Variants in DCHS2 observed in about 807,000 individuals in gnomAD.
The protein encoded by DCHS2 is protocadherin-23.
DCHS2 carries 142 observed loss-of-function variants against 182.4 expected under a neutral mutation model. The observed-to-expected ratio is 0.78, with a 90% CI of 0.68 to 0.89. The LOEUF (loss-of-function observed/expected upper bound fraction) is 0.89, where lower values mean the gene tolerates loss of function less well. DCHS2 is among the 40% of genes least tolerant of loss of function. The pLI is 0.00. For synonymous variants in DCHS2, 1,740 were observed against 1,663.3 expected, an observed-to-expected ratio of 1.05 and a Z score of -1.12; for missense variants, 4,319 against 4,198.6, an observed-to-expected ratio of 1.03 and a Z score of -0.79.
chr4:154,490,284 C>G lies in DCHS2; in HGVS notation c.1072G>C (p.Val358Leu), dbSNP rs934518835. ...GALGDAAYFA[V>L]EELSGVVRVW... ...CGCACCACGCCGCTCAGCTCCTCCA[C>G]CGCGAAGTAGGCCGCGTCGCCCAGT... is the stretch of plus-strand genomic sequence containing the variant. The change falls in exon 1 of 20, where the codon GTG becomes CTG. Residue 358 changes from valine to leucine, a missense_variant. Physicochemically the swap from Val to Leu is conservative, Grantham distance 32 (BLOSUM62 1). Coordinates refer to ENST00000357232, the MANE Select transcript of DCHS2 (RefSeq NM_001358235.2). 7 of 1,548,298 alleles carry G rather than the reference C, an allele frequency of 4.5e-6. No individual in the cohort carries two copies. The highest frequency in any genetic ancestry group is 1.7e-4 in the Middle Eastern group (1 of 5,974).
chr4:154,421,342 T>G (rs1733100679), intron 1 of DCHS2, among the ~76,000 whole-genome samples: 1 of 152,206 alleles, frequency 6.6e-6, no homozygotes, highest in African/African-American at 2.4e-5. Flanking sequence ...GTCTGAAAGT[T>G]TCCTCTCTTT....
At chr4:154,261,946 G>A (rs137888498) in intron 14 of DCHS2, 1 of 152,188 alleles carries the variant, frequency 6.6e-6, no homozygotes, top group East Asian at 1.9e-4. Flanking sequence ...TGAAACAAAG[G>A]CTGATTCCCA....
chr4:154,304,849 A>G lies in DCHS2; in HGVS notation c.5425T>C (p.Leu1809=). The G allele has an allele frequency of 6.2e-7, 1 of 1,613,084 alleles. No individual in the cohort carries two copies. Among genetic ancestry groups the G allele is most frequent in the Non-Finnish European group, 8.5e-7 (1 of 1,179,570 alleles). The part of the protein sequence containing the change: ...VLVRDGGFPS[L]SSTTTILCTV... ...CAGAGGATTGTTGTGGTGCTGGACA[A>G]TGAAGGGAATCCCCCATCTCGTACT... Residue 1809 remains leucine, a synonymous_variant, in exon 12 of 20, where the codon TTG becomes CTG. Transcript: ENST00000357232.
At chr4:154,473,077 C>T (rs1735541175) in intron 1 of DCHS2, among the ~76,000 whole-genome samples, 1 of 152,152 alleles carries the variant, frequency 6.6e-6, no homozygotes, top group South Asian at 2.1e-4. Flanking sequence ...GCTACAGCAC[C>T]TCCCTGAGCC....
intron 14 of DCHS2, among the ~76,000 whole-genome samples, chr4:154,267,085 C>T (rs993111654): frequency 6.6e-6 from 1 of 152,212 alleles, no homozygotes; most frequent in Non-Finnish European, 1.5e-5. Context: ...TTCCAGCAGG[C>T]ATTTACAGTT....
chr4:154,273,338 A>C (rs1465521779), intron 13 of DCHS2, among the ~76,000 whole-genome samples: 1 of 152,170 alleles, frequency 6.6e-6, no homozygotes, highest in African/African-American at 2.4e-5. Context: ...CTATTATTCT[A>C]AGTGAAGTAA....
intron 13 of DCHS2, among the ~76,000 whole-genome samples, chr4:154,290,170 C>T (rs79918947): frequency 0.014 from 2,137 of 151,812 alleles, 58 homozygotes; most frequent in African/African-American, 0.049. Flanking sequence ...GAAAAAGAAA[C>T]GAGAAAGTAA....
chr4:154,384,479 G>C (rs1435067288), intron 1 of DCHS2: 1 of 1,579,392 alleles, frequency 6.3e-7, no homozygotes, highest in Non-Finnish European at 8.6e-7. Context: ...TGCTTGTAGG[G>C]GACTGAATGC....
At chr4:154,323,715 T>G (rs969876046) in intron 7 of DCHS2, among the ~76,000 whole-genome samples, 1 of 152,184 alleles carries the variant, frequency 6.6e-6, no homozygotes, top group Non-Finnish European at 1.5e-5. Flanking sequence ...CAAAACTTTG[T>G]TTCATGCACA....
intron 1 of DCHS2, among the ~76,000 whole-genome samples, chr4:154,456,675 A>G (rs192212893): frequency 6.6e-6 from 1 of 152,352 alleles, no homozygotes; most frequent in Non-Finnish European, 1.5e-5. Flanking sequence ...GACTTGATGG[A>G]TTTAGAAAAG....
intron 1 of DCHS2, among the ~76,000 whole-genome samples, chr4:154,387,374 G>T (rs1731468065): frequency 6.6e-6 from 1 of 150,908 alleles, no homozygotes; most frequent in South Asian, 2.1e-4. Flanking sequence ...CAGATCAATA[G>T]AACACAAAAG....
At chr4:154,373,848 G>A (rs34860852) in intron 2 of DCHS2, 29 of 1,268,386 alleles carry the variant, frequency 2.3e-5, no homozygotes, top group Admixed American at 4.1e-5. Context: ...AGGAAAACTC[G>A]AAGCTCTGAC....
chr4:154,343,417 C>G, intron 3 of DCHS2: 1 of 1,305,172 alleles, frequency 7.7e-7, no homozygotes, highest in Non-Finnish European at 9.8e-7. Flanking sequence ...CATCTTATTT[C>G]ATATAAGGCT....
At position 154,297,955 on chromosome 4, in the gene DCHS2, C is replaced by T. The variant is rs1387461538; in HGVS notation, c.6359G>A (p.Arg2120Lys). 1.2e-6 allele frequency: 2 copies of T among 1,613,978 alleles called. No individual in the cohort carries two copies. The highest frequency in any genetic ancestry group is 8.5e-7 in the Non-Finnish European group (1 of 1,179,996). ...LKVTDQGIPA[R>K]TTTGLLVIHM... ...AATGACCAAGAGACCCGTGGTTGTC[C>T]TGGCTGGAATGCCCTGGTCTGTAAC... Residue 2120 changes from arginine to lysine, a missense_variant, in exon 13 of 20, where the codon AGG becomes AAG. Physicochemically the swap from Arg to Lys is conservative, Grantham distance 26. Transcript: ENST00000357232.
intron 1 of DCHS2, 122 bp downstream of exon 1, chr4:154,489,182 C>T (rs1184938781): frequency 9.3e-6 from 8 of 857,820 alleles, no homozygotes; most frequent in East Asian, 8.1e-5. Context: ...GGGGCACTAC[C>T]GCCAGTCTTG....
intron 2 of DCHS2, among the ~76,000 whole-genome samples, chr4:154,376,796 C>A (rs891701803): frequency 6.6e-6 from 1 of 152,084 alleles, no homozygotes; most frequent in Admixed American, 6.5e-5. Flanking sequence ...CCACATTTAG[C>A]ATGTGGAAAA....
At chr4:154,429,519 G>A (rs1389343651) in intron 1 of DCHS2, among the ~76,000 whole-genome samples, 1 of 152,140 alleles carries the variant, frequency 6.6e-6, no homozygotes, top group African/African-American at 2.4e-5. Flanking sequence ...AAGGACACAT[G>A]GAAAAGGAGG....
At chr4:154,462,048 ACACACCCACCT>A (rs1735029387) in intron 1 of DCHS2, among the ~76,000 whole-genome samples, 3 of 152,168 alleles carry the variant, frequency 2.0e-5, no homozygotes, top group Non-Finnish European at 2.9e-5. Flanking sequence ...CCTGGCGGGA[ACACACCCACCT>A]CACCCGCCCC....
chr4:154,309,502 T>G (rs1343144571), intron 10 of DCHS2, among the ~76,000 whole-genome samples: 1 of 152,174 alleles, frequency 6.6e-6, no homozygotes, highest in East Asian at 1.9e-4. Context: ...TTCCCAGTAT[T>G]AGGGGTGGTA....
Sources: gnomAD v4.1 joint callset for allele counts (sites outside exome capture counted in the v4.1 genomes callset) on GRCh38, gnomAD v4.1.1 for gene constraint, MANE v1.5 for transcripts, NCBI Gene and HGNC (gene_info 2026-07-23, HGNC 2026-07-21) for gene names.